HECW1: variants seen among roughly 807,000 people sequenced by gnomAD.
The protein encoded by HECW1 is HECT, C2 and WW domain containing E3 ubiquitin protein ligase 1.
HECW1 carries 61 observed loss-of-function variants against 182.3 expected under a neutral mutation model. The observed-to-expected ratio is 0.33, with a 90% CI of 0.27 to 0.41. HECW1 has a LOEUF of 0.41. HECW1 is among the 10% of genes least tolerant of loss of function. The pLI is 1.00. For synonymous variants in HECW1, 859 were observed against 832.6 expected, an observed-to-expected ratio of 1.03 and a Z score of -0.55; for missense variants, 1,739 against 2,108.9, an observed-to-expected ratio of 0.82 and a Z score of 3.44.
rs184726179 is a variant in HECW1, at chr7:43,553,635, C to T, written c.4511-957C>T. Among the ~76,000 whole-genome samples the T allele has an allele frequency of 1.1e-3, 171 of 149,436 alleles. 6 individuals are homozygous for T. In the East Asian group the frequency reaches 0.023, roughly 20 times the overall value. On this transcript the variant is annotated intron_variant, in intron 28 of 29. Transcript: ENST00000395891. The stretch of plus-strand genomic sequence containing the variant: ...AGTGAGCCAAGATCATGCCACTGCA[C>T]TCCAGCCTGGGCAACAGAGCGAGAT...
chr7:43,185,663 G>T (rs938865271), intron 2 of HECW1, among the ~76,000 whole-genome samples: 2 of 152,158 alleles, frequency 1.3e-5, no homozygotes, highest in African/African-American at 4.8e-5. Context: ...GAGAGTAGGA[G>T]AAAGCATTTT....
At chr7:43,119,640 G>A (rs952621124) in intron 2 of HECW1, among the ~76,000 whole-genome samples, 23 of 152,044 alleles carry the variant, frequency 1.5e-4, no homozygotes, top group Non-Finnish European at 2.4e-4. Flanking sequence ...ATCTCCCTTT[G>A]AATGGCACGT....
intron 3 of HECW1, among the ~76,000 whole-genome samples, chr7:43,292,790 T>A (rs969843393): frequency 6.6e-6 from 1 of 152,200 alleles, no homozygotes; most frequent in Non-Finnish European, 1.5e-5. Flanking sequence ...TCAGCCCCTA[T>A]GATAGTACAA....
At chr7:43,178,207 T>C (rs1202355949) in intron 2 of HECW1, among the ~76,000 whole-genome samples, 1 of 152,210 alleles carries the variant, frequency 6.6e-6, no homozygotes, top group Admixed American at 6.5e-5. Context: ...GGTTTCACCA[T>C]GTTGACCAGG....
Position 43,351,678 on chromosome 7 carries a change from C to CCTT in HECW1, c.461-9208_461-9207insCTT, listed in dbSNP as rs1814475870. Among the ~76,000 whole-genome samples, 3 of 120,574 alleles carry CCTT rather than the reference C, an allele frequency of 2.5e-5. No individual in the cohort carries two copies. The Admixed American group carries it at 2.5e-4, about 10-fold the overall frequency. 79.1% of individuals were successfully genotyped at this position (120,574 alleles called of 152,430 possible). ...TTGTCAGCTGTTTTTTTTCTTTCTT[C>CCTT]TTTTTTTTTTTTTTTTTTTACATTG... On this transcript the variant is annotated intron_variant, in intron 5 of 29. Transcript: ENST00000395891.
intron 16 of HECW1, among the ~76,000 whole-genome samples, chr7:43,479,312 C>T (rs1259020639): frequency 1.3e-5 from 2 of 152,094 alleles, no homozygotes; most frequent in Non-Finnish European, 2.9e-5. Flanking sequence ...CACACATGCA[C>T]GGTTCACAAT....
intron 3 of HECW1, among the ~76,000 whole-genome samples, chr7:43,282,366 G>A (rs968498736): frequency 1.3e-5 from 2 of 152,212 alleles, no homozygotes; most frequent in Non-Finnish European, 2.9e-5. Flanking sequence ...TTCCTTCCCT[G>A]TGATGCCATC....
intron 2 of HECW1, among the ~76,000 whole-genome samples, chr7:43,131,815 CATCT>C (rs749388306): frequency 7.9e-5 from 12 of 152,196 alleles, no homozygotes; most frequent in Non-Finnish European, 7.3e-5. Context: ...CTGAGAGTGG[CATCT>C]GGGAAAGATG....
At chr7:43,290,696 C>A (rs17172192) in intron 3 of HECW1, among the ~76,000 whole-genome samples, 1 of 152,170 alleles carries the variant, frequency 6.6e-6, no homozygotes, top group Non-Finnish European at 1.5e-5. Flanking sequence ...GACGTCATAA[C>A]GTCCAGAGCC....
At chr7:43,541,838 G>A (rs1036261106) in intron 25 of HECW1, 31 bp from the exon 26 acceptor site, 1 of 1,428,302 alleles carries the variant, frequency 7.0e-7, no homozygotes, top group South Asian at 1.8e-5. Context: ...CATTTGTTTG[G>A]TAATTTGCCT....
At chr7:43,470,742 C>T (rs1380095273) in intron 16 of HECW1, among the ~76,000 whole-genome samples, 1 of 81,280 alleles carries the variant, frequency 1.2e-5, no homozygotes, top group Non-Finnish European at 2.3e-5. Flanking sequence ...CACACATGCT[C>T]ACACACACAC....
At chr7:43,332,565 G>GT (rs1811631363) in intron 5 of HECW1, among the ~76,000 whole-genome samples, 1 of 152,218 alleles carries the variant, frequency 6.6e-6, no homozygotes, top group Non-Finnish European at 1.5e-5. Flanking sequence ...GGGTGAGGCA[G>GT]TGTCTGAAGG....
At chr7:43,363,631 C>A (rs1816243148) in intron 6 of HECW1, among the ~76,000 whole-genome samples, 2 of 152,112 alleles carry the variant, frequency 1.3e-5, no homozygotes, top group African/African-American at 2.4e-5. Flanking sequence ...GAAAATGAGT[C>A]CCTGGAGTCC....
intron 2 of HECW1, among the ~76,000 whole-genome samples, chr7:43,232,798 G>C (rs565102971): frequency 8.5e-5 from 13 of 152,328 alleles, no homozygotes; most frequent in Admixed American, 7.2e-4. Context: ...ACCATCTCCA[G>C]AAGAGAGAAG....
chr7:43,285,743 G>A (rs577181558), intron 3 of HECW1, among the ~76,000 whole-genome samples: 189 of 152,204 alleles, frequency 1.2e-3, no homozygotes, highest in African/African-American at 3.9e-3. Flanking sequence ...GCAGTGAGCC[G>A]TAATTGCACT....
chr7:43,157,664 G>A (rs1321968823), intron 2 of HECW1, among the ~76,000 whole-genome samples: 1 of 152,166 alleles, frequency 6.6e-6, no homozygotes, highest in Non-Finnish European at 1.5e-5. Flanking sequence ...AGGCTTAAGA[G>A]ATCTTCCCAC....
At chr7:43,436,122 C>T (rs1357890673) in intron 8 of HECW1, among the ~76,000 whole-genome samples, 1 of 145,238 alleles carries the variant, frequency 6.9e-6, no homozygotes, top group Non-Finnish European at 1.5e-5. Flanking sequence ...CAAGATTGTG[C>T]CACTGCACTC....
At chr7:43,182,064 G>A (rs113290289) in intron 2 of HECW1, among the ~76,000 whole-genome samples, 1,933 of 152,176 alleles carry the variant, frequency 0.013, 36 homozygotes, top group African/African-American at 0.042. Flanking sequence ...GATTACAGGC[G>A]TGAGCCACCG....
intron 2 of HECW1, among the ~76,000 whole-genome samples, chr7:43,218,159 A>G (rs1442684515): frequency 6.6e-6 from 1 of 152,222 alleles, no homozygotes; most frequent in African/African-American, 2.4e-5. Context: ...TTCATCTTGT[A>G]TTTTTAACTT....
Sources: gnomAD v4.1 joint callset for allele counts (sites outside exome capture counted in the v4.1 genomes callset) on GRCh38, gnomAD v4.1.1 for gene constraint, MANE v1.5 for transcripts, NCBI Gene and HGNC (gene_info 2026-07-23, HGNC 2026-07-21) for gene names.